The following SGMS2 variants were observed in gnomAD, a reference collection of about 807,000 sequenced individuals.
The protein encoded by SGMS2 is sphingomyelin synthase 2.
Under a neutral mutation model 43.8 loss-of-function variants are expected in SGMS2, and 21 were observed. The ratio of observed to expected loss-of-function variants is 0.48; its 90% CI spans 0.34 to 0.69. The LOEUF (loss-of-function observed/expected upper bound fraction) is 0.69, where lower values mean the gene tolerates loss of function less well. Ranked by LOEUF, SGMS2 falls within the 30% of genes least tolerant of loss-of-function variation. The probability of loss-of-function intolerance (pLI) is 0.01; values close to 1 mark genes in which losing one functional copy is unlikely to be tolerated. For missense variants in SGMS2, 384 were observed against 443.2 expected (o/e 0.87, Z 1.20); for synonymous variants, 167 against 160.6 (o/e 1.04, Z -0.30).
At chr4:107,890,481 C>T (rs1489644276) in intron 2 of SGMS2, among the ~76,000 whole-genome samples, 1 of 152,078 alleles carries the variant, frequency 6.6e-6, no homozygotes, top group African/African-American at 2.4e-5. Flanking sequence ...TCAAGACCAG[C>T]CTGGCCAACA....
intron 1 of SGMS2, among the ~76,000 whole-genome samples, chr4:107,839,380 T>TGTG (rs60054964): frequency 2.6e-5 from 4 of 151,104 alleles, no homozygotes; most frequent in African/African-American, 9.8e-5. Context: ...TGGAAGTGGT[T>TGTG]TTTTTTTTCC....
intron 6 of SGMS2, 89 bp from the exon 7 acceptor site, chr4:107,910,261 A>C: frequency 9.1e-7 from 1 of 1,096,714 alleles, no homozygotes; most frequent in Non-Finnish European, 1.3e-6. Flanking sequence ...TGTTTTCCCT[A>C]GGTTACAGTG....
At chr4:107,833,645 C>CA (rs556039117) in intron 1 of SGMS2, among the ~76,000 whole-genome samples, 16 of 151,022 alleles carry the variant, frequency 1.1e-4, no homozygotes, top group Middle Eastern at 3.4e-3. Flanking sequence ...TTCCAAAATT[C>CA]AAAAAAAAAT....
chr4:107,908,793 G>A (rs772287266), intron 6 of SGMS2, 62 bp downstream of exon 6: 2 of 1,493,622 alleles, frequency 1.3e-6, no homozygotes, highest in Non-Finnish European at 1.8e-6. Flanking sequence ...CCCTTTTCAT[G>A]TCGTGGGGTT....
At chr4:107,910,189 G>A (rs913893033) in intron 6 of SGMS2, among the ~76,000 whole-genome samples, 161 bp from the exon 7 acceptor site, 5 of 152,120 alleles carry the variant, frequency 3.3e-5, no homozygotes, top group East Asian at 1.9e-4. Context: ...TTAGGGGAGC[G>A]GAGTCATGGT....
chr4:107,903,410 G>T, intron 5 of SGMS2, 24 bp downstream of exon 5: 1 of 1,610,510 alleles, frequency 6.2e-7, no homozygotes, highest in East Asian at 2.2e-5. Context: ...CATTCCCACT[G>T]AACTGATAGC....
intron 2 of SGMS2, chr4:107,863,768 GT>G (rs1313663622): frequency 6.6e-6 from 1 of 152,130 alleles, no homozygotes; most frequent in Non-Finnish European, 1.5e-5. Context: ...TAAAAATGCA[GT>G]CACAAAAAGT....
At chr4:107,880,717 A>G (rs577061241) in intron 2 of SGMS2, among the ~76,000 whole-genome samples, 1 of 152,040 alleles carries the variant, frequency 6.6e-6, no homozygotes, top group African/African-American at 2.4e-5. Flanking sequence ...TTAGCTGGGC[A>G]TGATGGCATG....
chr4:107,864,183 T>G (rs575506444), intron 2 of SGMS2: 1 of 152,364 alleles, frequency 6.6e-6, no homozygotes, highest in South Asian at 2.1e-4. Flanking sequence ...TAAGTTCGCT[T>G]GAATTTATCT....
chr4:107,835,947 A>T (rs1560628968), intron 1 of SGMS2, among the ~76,000 whole-genome samples: 2 of 152,256 alleles, frequency 1.3e-5, no homozygotes, highest in Admixed American at 1.3e-4. Flanking sequence ...TGAGCCATAC[A>T]TGATAGCCAT....
At position 107,847,995 on chromosome 4, in the gene SGMS2, G is replaced by C. The variant is rs1578522464; in HGVS notation, c.-326-10477G>C. On this transcript the variant is annotated intron_variant, in intron 1 of 6. Coordinates refer to ENST00000690982, the MANE Select transcript of SGMS2 (RefSeq NM_001375905.1). ...ACATTCTGTGGGTTTTGAAAAATGT[G>C]TAATGACATGTAGCTCTCATTGTAG... Among the ~76,000 whole-genome samples the C allele has an allele frequency of 5.3e-5, 8 of 152,204 alleles. No homozygotes were observed. The South Asian group carries it at 1.5e-3, about 28-fold the overall frequency.
At chr4:107,873,608 C>A (rs1728701142) in intron 2 of SGMS2, among the ~76,000 whole-genome samples, 1 of 151,710 alleles carries the variant, frequency 6.6e-6, no homozygotes, top group African/African-American at 2.4e-5. Context: ...TATACTTATG[C>A]TGTGTTTATT....
intron 2 of SGMS2, among the ~76,000 whole-genome samples, chr4:107,875,047 CCTACAG>C (rs1484002803): frequency 6.6e-6 from 1 of 152,166 alleles, no homozygotes; most frequent in African/African-American, 2.4e-5. Context: ...TCTAGGAGAA[CCTACAG>C]CCTATTACAA....
chr4:107,829,118 T>C (rs1216220329), intron 1 of SGMS2, among the ~76,000 whole-genome samples: 3 of 152,222 alleles, frequency 2.0e-5, no homozygotes, highest in African/African-American at 7.2e-5. Flanking sequence ...AGCAGACTTA[T>C]CACTACCTTT....
chr4:107,857,015 C>T (rs919016088), intron 1 of SGMS2, among the ~76,000 whole-genome samples: 2 of 152,198 alleles, frequency 1.3e-5, no homozygotes, highest in African/African-American at 4.8e-5. Context: ...CATTAGCATT[C>T]ACTTTCCATT....
At chr4:107,869,965 G>A (rs1457972798) in intron 2 of SGMS2, among the ~76,000 whole-genome samples, 1 of 152,116 alleles carries the variant, frequency 6.6e-6, no homozygotes, top group Non-Finnish European at 1.5e-5. Flanking sequence ...GAGAGGAAGG[G>A]AGTGCTGCAT....
At chr4:107,827,467 G>A (rs923220557) in intron 1 of SGMS2, among the ~76,000 whole-genome samples, 3 of 152,110 alleles carry the variant, frequency 2.0e-5, no homozygotes, top group Admixed American at 1.3e-4. Flanking sequence ...TGATTAGGCC[G>A]TCATAGGCTG....
intron 2 of SGMS2, among the ~76,000 whole-genome samples, chr4:107,870,356 C>T (rs942214121): frequency 2.0e-5 from 3 of 151,984 alleles, no homozygotes; most frequent in Non-Finnish European, 2.9e-5. Context: ...AGTTTGAAGT[C>T]GGGTAATAGC....
At chr4:107,829,233 T>C (rs986119761) in intron 1 of SGMS2, among the ~76,000 whole-genome samples, 2 of 152,250 alleles carry the variant, frequency 1.3e-5, no homozygotes, top group African/African-American at 4.8e-5. Context: ...GAGAAATTTC[T>C]ATTAGTTTAT....
Sources: allele counts gnomAD v4.1 joint callset (sites outside exome capture counted in the v4.1 genomes callset), GRCh38; gene constraint gnomAD v4.1.1; transcripts MANE v1.5; gene names NCBI Gene and HGNC (gene_info 2026-07-23, HGNC 2026-07-21).